WWTR1: variants seen among roughly 807,000 people sequenced by gnomAD.
WWTR1 encodes the protein WW domain-containing transcription regulator protein 1.
A neutral mutation model predicts 40.1 loss-of-function variants in WWTR1; 13 were observed. The observed-to-expected ratio is 0.32, with a 90% CI of 0.21 to 0.52. The LOEUF (loss-of-function observed/expected upper bound fraction) is 0.52. Ranked by LOEUF, WWTR1 falls within the 20% of genes least tolerant of loss-of-function variation. The probability of loss-of-function intolerance (pLI) is 0.97; values close to 1 mark genes in which losing one functional copy is unlikely to be tolerated. For synonymous variants in WWTR1, 230 were observed against 210.1 expected (o/e 1.09, Z -0.82); for missense variants, 436 against 523.1 (o/e 0.83, Z 1.63).
At chr3:149,677,704 G>A (rs571456824) in intron 1 of WWTR1, among the ~76,000 whole-genome samples, 8 of 152,160 alleles carry the variant, frequency 5.3e-5, no homozygotes, top group South Asian at 2.1e-4. Flanking sequence ...ACGCGGTGTC[G>A]TGACGCGTGC....
intron 2 of WWTR1, among the ~76,000 whole-genome samples, chr3:149,620,564 T>TG (rs1740219598): frequency 1.3e-5 from 2 of 148,484 alleles, no homozygotes; most frequent in Non-Finnish European, 3.0e-5. Flanking sequence ...CCTCCACCGC[T>TG]CCCCCCCACA....
At chr3:149,588,247 A>C (rs1366634558) in intron 2 of WWTR1, among the ~76,000 whole-genome samples, 2 of 152,190 alleles carry the variant, frequency 1.3e-5, no homozygotes, top group African/African-American at 4.8e-5. Flanking sequence ...CTGGAGCTGC[A>C]GCAGACAGCT....
At chr3:149,620,570 C>A (rs1277814946) in intron 2 of WWTR1, among the ~76,000 whole-genome samples, 1 of 150,498 alleles carries the variant, frequency 6.6e-6, no homozygotes, top group African/African-American at 2.5e-5. Context: ...CCGCTCCCCC[C>A]CACACACACA....
At chr3:149,673,118 G>C (rs1714149700) in intron 1 of WWTR1, among the ~76,000 whole-genome samples, 1 of 152,184 alleles carries the variant, frequency 6.6e-6, no homozygotes, top group South Asian at 2.1e-4. Context: ...GCTCACGCCT[G>C]TAATCCCAGC....
intron 2 of WWTR1, among the ~76,000 whole-genome samples, chr3:149,581,001 A>C (rs1425493854): frequency 1.3e-5 from 2 of 152,198 alleles, no homozygotes; most frequent in African/African-American, 2.4e-5. Context: ...CGGCTTTTGA[A>C]CTTCGATATG....
At chr3:149,578,082 C>G (rs989358003) in intron 2 of WWTR1, among the ~76,000 whole-genome samples, 1 of 148,004 alleles carries the variant, frequency 6.8e-6, no homozygotes, top group Non-Finnish European at 1.5e-5. Flanking sequence ...CACCTGGTAT[C>G]CAAGTCCCCC....
chr3:149,522,897 C>A (rs1212645098), intron 6 of WWTR1, among the ~76,000 whole-genome samples: 1 of 151,354 alleles, frequency 6.6e-6, no homozygotes, highest in Non-Finnish European at 1.5e-5. Flanking sequence ...AACAAACAAA[C>A]AAAAAAACCC....
At chr3:149,556,222 A>G (rs1315980170) in intron 3 of WWTR1, among the ~76,000 whole-genome samples, 3 of 152,288 alleles carry the variant, frequency 2.0e-5, no homozygotes, top group African/African-American at 7.2e-5. Context: ...TTCACACTCT[A>G]TGGTAAAATT....
At chr3:149,670,755 T>C (rs926088079) in intron 1 of WWTR1, 6 of 152,028 alleles carry the variant, frequency 3.9e-5, no homozygotes, top group African/African-American at 1.5e-4. Context: ...GTCAATTCTC[T>C]TTTTTTACTC....
At chr3:149,654,699 G>A (rs1713093772) in intron 2 of WWTR1, among the ~76,000 whole-genome samples, 1 of 152,084 alleles carries the variant, frequency 6.6e-6, no homozygotes, top group Admixed American at 6.5e-5. Context: ...TTGTTTCAGG[G>A]TCTTTTTCGT....
At chr3:149,677,825 G>A (rs2108199895) in intron 1 of WWTR1, among the ~76,000 whole-genome samples, 1 of 151,944 alleles carries the variant, frequency 6.6e-6, no homozygotes, top group East Asian at 2.0e-4. Context: ...GGGTGACACA[G>A]CGATCTCAGC....
chr3:149,619,621 A>G (rs1740174046), intron 2 of WWTR1, among the ~76,000 whole-genome samples: 1 of 152,122 alleles, frequency 6.6e-6, no homozygotes, highest in African/African-American at 2.4e-5. Context: ...AGATCCTGTC[A>G]CCAAAAACAA....
At chr3:149,716,311 G>T (rs1287877233) in intron 5 of WWTR1, among the ~76,000 whole-genome samples, 1 of 150,794 alleles carries the variant, frequency 6.6e-6, no homozygotes, top group Non-Finnish European at 1.5e-5. Flanking sequence ...GAACCTGGAA[G>T]GCAGAGGGTG....
At chr3:149,534,629 C>T (rs539853808) in intron 4 of WWTR1, among the ~76,000 whole-genome samples, 1 of 152,254 alleles carries the variant, frequency 6.6e-6, no homozygotes, top group Non-Finnish European at 1.5e-5. Context: ...TTACAAGTTC[C>T]AATTTCAAGG....
At chr3:149,601,083 A>G (rs1393911121) in intron 2 of WWTR1, among the ~76,000 whole-genome samples, 1 of 152,222 alleles carries the variant, frequency 6.6e-6, no homozygotes, top group African/African-American at 2.4e-5. Flanking sequence ...TCCCAAGTAC[A>G]TTATCTTAGC....
At chr3:149,706,894 G>A (rs895611734), upstream of WWTR1, among the ~76,000 whole-genome samples, 4 of 152,108 alleles carry the variant, frequency 2.6e-5, no homozygotes, top group African/African-American at 7.2e-5. Context: ...CAATTGCTCC[G>A]TGGTATTAGT....
At chr3:149,556,634 G>A (rs1480711115) in intron 3 of WWTR1, among the ~76,000 whole-genome samples, 1 of 152,076 alleles carries the variant, frequency 6.6e-6, no homozygotes, top group East Asian at 1.9e-4. Context: ...TGGGATCAAT[G>A]CCTCTCGGTT....
intron 4 of WWTR1, among the ~76,000 whole-genome samples, chr3:149,531,125 T>C (rs945577160): frequency 6.6e-6 from 1 of 152,038 alleles, no homozygotes; most frequent in South Asian, 2.1e-4. Context: ...AGTGGAGATA[T>C]GGTTGCGCCA....
At chr3:149,616,516 C>A (rs1739980961) in intron 2 of WWTR1, among the ~76,000 whole-genome samples, 1 of 151,698 alleles carries the variant, frequency 6.6e-6, no homozygotes, top group Non-Finnish European at 1.5e-5. Flanking sequence ...GATCTCGGCT[C>A]ACCGCAACCT....
Sources: allele counts gnomAD v4.1 joint callset (sites outside exome capture counted in the v4.1 genomes callset), GRCh38; gene constraint gnomAD v4.1.1; transcripts MANE v1.5; gene names NCBI Gene and HGNC (gene_info 2026-07-23, HGNC 2026-07-21).